Variants in METTL3 observed in about 807,000 individuals in gnomAD.
METTL3 encodes methyltransferase 3, N6-adenosine-methyltransferase complex catalytic subunit, also known as N(6)-adenosine-methyltransferase catalytic subunit METTL3.
In METTL3, 42 loss-of-function variants were observed where a neutral mutation model predicts 64.3. The observed-to-expected ratio is 0.65, with a 90% CI of 0.51 to 0.84. The LOEUF is 0.84. METTL3 is among the 40% of genes least tolerant of loss of function. METTL3 has a pLI of 0.00. For missense variants in METTL3, 435 were observed against 722.3 expected (o/e 0.60, Z 4.56); for synonymous variants, 256 against 263.6 (o/e 0.97, Z 0.28).
chr14:21,500,608 G>A lies in METTL3; in HGVS notation c.1191C>T (p.Pro397=). 1 of 1,614,130 alleles carries A rather than the reference G, an allele frequency of 6.2e-7. No individual in the cohort carries two copies. Among genetic ancestry groups the A allele is most frequent in the South Asian group, 1.1e-5 (1 of 91,086 alleles). Residue 397 remains proline (P), a synonymous_variant, in exon 6 of 11, where the codon CCC becomes CCT. Coordinates refer to ENST00000298717, the MANE Select transcript of METTL3 (RefSeq NM_019852.5). ...AGGGCAGTTCCATGTGAATATCCCA[G>A]GGTGGGTCAGCCATCACAACTGCAA... is the stretch of plus-strand genomic sequence containing the variant. ...GKFAVVMADP[P]WDIHMELPYG... is the part of the protein sequence containing the mutation.
chr14:21,499,263 C>T, intron 9 of METTL3, 43 bp downstream of exon 9: 1 of 1,611,278 alleles, frequency 6.2e-7, no homozygotes, highest in Non-Finnish European at 8.5e-7. Context: ...ATAACTGATA[C>T]CAACAAAAAT....
intron 1 of METTL3, among the ~76,000 whole-genome samples, chr14:21,506,119 A>G (rs1891690608): frequency 6.6e-6 from 1 of 152,136 alleles, no homozygotes; most frequent in South Asian, 2.1e-4. Context: ...TTTTTAAGTA[A>G]TATTTTTCTT....
At chr14:21,502,778 T>C (rs1258227501) in intron 3 of METTL3, 1 of 176,802 alleles carries the variant, frequency 5.7e-6, no homozygotes, top group Non-Finnish European at 1.2e-5. Flanking sequence ...TCTCCATTCA[T>C]CTCCCTATAT....
Position 21,500,701 on chromosome 14 carries a change from G to C in METTL3, c.1117-19C>G, listed in dbSNP as rs1305717795. 2 of 1,598,178 alleles carry C rather than the reference G, an allele frequency of 1.3e-6. No individual in the cohort carries two copies. The highest frequency in any genetic ancestry group is 1.3e-5 in the African/African-American group (1 of 74,510). ...AGATCCACTGCATAAAGTGGTATTT[G>C]GTCATCTTCCCTACTTTAACTCTGA... On this transcript the variant is annotated intron_variant, in intron 5 of 10. Transcript: ENST00000298717.
intron 1 of METTL3, chr14:21,504,799 G>A (rs1254369609): frequency 6.6e-6 from 1 of 151,848 alleles, no homozygotes; most frequent in Non-Finnish European, 1.5e-5. Flanking sequence ...ATTTAGCTGG[G>A]GGTGGTGATG....
intron 1 of METTL3, among the ~76,000 whole-genome samples, chr14:21,505,180 G>A (rs1891668154): frequency 6.6e-6 from 1 of 151,668 alleles, no homozygotes; most frequent in Non-Finnish European, 1.5e-5. Flanking sequence ...AAGGTGGCCT[G>A]TGCCTGTAGT....
Position 21,499,819 on chromosome 14 carries a change from TAAAC to T in METTL3, c.1305-21_1305-18del, listed in dbSNP as rs2139639981. The T allele has an allele frequency of 6.2e-7, 1 of 1,611,428 alleles. No homozygotes were observed. The highest frequency in any genetic ancestry group is 1.3e-5 in the African/African-American group (1 of 74,950). ...TCCATGGCCCTAGAAAGAAATGAGT[TAAAC>T]AACTATTTGTATGCCCATATTTTTT... On this transcript the variant is annotated intron_variant, in intron 6 of 10. Coordinates refer to ENST00000298717, the MANE Select transcript of METTL3 (RefSeq NM_019852.5).
At chr14:21,510,044 A>C (rs1163800647) in intron 1 of METTL3, among the ~76,000 whole-genome samples, 1 of 152,226 alleles carries the variant, frequency 6.6e-6, no homozygotes, top group Non-Finnish European at 1.5e-5. Flanking sequence ...CACTACCTAC[A>C]CCAGCTCTTG....
At chr14:21,508,504 T>TA (rs1891752932) in intron 1 of METTL3, among the ~76,000 whole-genome samples, 1 of 152,224 alleles carries the variant, frequency 6.6e-6, no homozygotes, top group Non-Finnish European at 1.5e-5. Flanking sequence ...TACCAAAATG[T>TA]AGTTAATGTC....
At position 21,503,556 on chromosome 14, in the gene METTL3, C is replaced by A. The variant is rs779348179; in HGVS notation, c.340G>T (p.Asp114Tyr). Reference protein sequence around the residue: ...ISTPDAPATQDGVESLLQKFA... With the variant: ...ISTPDAPATQYGVESLLQKFA... ...TTCTGCAGGAGGCTTTCTACCCCAT[C>A]TTGAGTGGCAGGAGCATCTGGCTAG... is the stretch of plus-strand genomic sequence containing the variant. Residue 114 changes from aspartate (D) to tyrosine (Y), a missense_variant, in exon 3 of 11, where the codon GAT becomes TAT. Asp to Tyr is a radical substitution (Grantham distance 160, BLOSUM62 -3). Coordinates refer to ENST00000298717, the MANE Select transcript of METTL3 (RefSeq NM_019852.5). The A allele has an allele frequency of 6.2e-7, 1 of 1,612,780 alleles. No homozygotes were observed. Among genetic ancestry groups the A allele is most frequent in the Non-Finnish European group, 8.5e-7 (1 of 1,179,752 alleles).
intron 1 of METTL3, among the ~76,000 whole-genome samples, chr14:21,510,023 T>C (rs1484672294): frequency 6.6e-6 from 1 of 152,216 alleles, no homozygotes; most frequent in Admixed American, 6.5e-5. Context: ...CTATGATGGT[T>C]TTGATGGCTT....
intron 9 of METTL3, 77 bp downstream of exon 9, chr14:21,499,229 G>C: frequency 6.3e-7 from 1 of 1,590,096 alleles, no homozygotes; most frequent in South Asian, 1.1e-5. Context: ...AGAAAAATCT[G>C]GGATGAGAAT....
At position 21,499,487 on chromosome 14, in the gene METTL3, C is replaced by A; in HGVS notation, c.1452+5G>T. 6.2e-7 allele frequency: 1 copy of A among 1,610,166 alleles called. No individual in the cohort carries two copies. On this transcript the variant is annotated splice_donor_5th_base_variant and intron_variant, in intron 8 of 10. Coordinates refer to ENST00000298717, the MANE Select transcript of METTL3 (RefSeq NM_019852.5). The stretch of plus-strand genomic sequence containing the variant: ...CCTATTGAATTGGGCCCCACTGCTG[C>A]TCACCAAGCAGTGTTCCTTCCCATG...
rs761072238 is a variant in METTL3, at chr14:21,501,794, T to C, written c.833A>G (p.Tyr278Cys). 5 of 1,614,192 alleles carry C rather than the reference T, an allele frequency of 3.1e-6. No homozygotes were observed. The highest frequency in any genetic ancestry group is 1.1e-5 in the South Asian group (1 of 91,068). Residue 278 changes from tyrosine to cysteine, a missense_variant, in exon 4 of 11, where the codon TAT becomes TGT. Physicochemically the swap from Tyr to Cys is radical, Grantham distance 194 (BLOSUM62 -2). Around this residue, in one of 9 missense-constraint regions of METTL3, gnomAD observed 40 missense variants for 89.6 expected, o/e 0.45. Transcript: ENST00000298717. ...TTTCATGCACTCCTCCTTGGTTCCA[T>C]AGTCACAGAATTCTTGCACTTGGGC... ...GRAQVQEFCD[Y>C]GTKEECMKAS...
chr14:21,498,977 CATAAATA>C (rs1891484440), intron 10 of METTL3, 41 bp downstream of exon 10: 1 of 1,316,062 alleles, frequency 7.6e-7, no homozygotes, highest in African/African-American at 1.4e-5. Flanking sequence ...TGTCCTTAAT[CATAAATA>C]ATAGCCCCTT....
intron 10 of METTL3, 91 bp downstream of exon 10, chr14:21,498,934 T>G: frequency 1.2e-6 from 1 of 816,756 alleles, no homozygotes; most frequent in Non-Finnish European, 2.1e-6. Flanking sequence ...ATTTATGGAC[T>G]AGTGTAAAAC....
chr14:21,502,866 C>T (rs1891603781), intron 3 of METTL3: 1 of 271,954 alleles, frequency 3.7e-6, no homozygotes, highest in East Asian at 6.6e-5. Context: ...AAGAATTTGT[C>T]GACATTGGCA....
rs1428542995 is a variant in METTL3 at position 21,503,485 on chromosome 14, T to C, written c.411A>G (p.Gln137=). The C allele has an allele frequency of 6.2e-7, 1 of 1,612,636 alleles. No homozygotes were observed. Among genetic ancestry groups the C allele is most frequent in the African/African-American group, 1.3e-5 (1 of 74,936 alleles). ...TTACAAGAGTAGGATGTGCATCATCTTGTAGGAGACCTCGCTTTACCTCAA... is the reference window on the plus strand; with the variant it reads ...TTACAAGAGTAGGATGTGCATCATCCTGTAGGAGACCTCGCTTTACCTCAA... ...ELIEVKRGLL[Q]DDAHPTLVTY... The change falls in exon 3 of 11, where the codon CAA becomes CAG. Residue 137 remains glutamine (Q), a synonymous_variant. Transcript: ENST00000298717.
chr14:21,501,947 A>G (rs949483817), intron 3 of METTL3, 44 bp from the exon 4 acceptor site: 2 of 1,589,186 alleles, frequency 1.3e-6, no homozygotes, highest in African/African-American at 2.7e-5. Context: ...TTATAGATCA[A>G]ATTGGCTCTT....
Sources: allele counts gnomAD v4.1 joint callset (sites outside exome capture counted in the v4.1 genomes callset), GRCh38; gene constraint gnomAD v4.1.1; regional missense constraint gnomAD v4.1.1; transcripts MANE v1.5; gene names NCBI Gene and HGNC (gene_info 2026-07-23, HGNC 2026-07-21).